The following DNAH6 variants were observed in gnomAD, a reference collection of about 807,000 sequenced individuals.
DNAH6 encodes the protein axonemal beta dynein heavy chain 6.
Under a neutral mutation model 491.4 loss-of-function variants are expected in DNAH6, and 340 were observed. The observed-to-expected ratio is 0.69, with a 90% CI of 0.63 to 0.76. The LOEUF is 0.76. DNAH6 is among the 30% of genes least tolerant of loss of function. The pLI, the probability that DNAH6 is intolerant of heterozygous loss-of-function variation, is 0.00. For synonymous variants in DNAH6, 1,603 were observed against 1,686.1 expected, an observed-to-expected ratio of 0.95 and a Z score of 1.21; for missense variants, 4,443 against 4,972.2, an observed-to-expected ratio of 0.89 and a Z score of 3.20.
At chr2:84,647,345 G>A (rs1384604386) in intron 33 of DNAH6, among the ~76,000 whole-genome samples, 1 of 152,194 alleles carries the variant, frequency 6.6e-6, no homozygotes, top group African/African-American at 2.4e-5. Flanking sequence ...GAACACTGAT[G>A]AAGGTGGCTA....
Position 84,812,269 on chromosome 2 carries a change from T to A in DNAH6, c.11740-72T>A, listed in dbSNP as rs1266097876. ...CCTCCAGGCAAGGCAGCCCCTGCTG[T>A]CATTAATGTGTGTCACTGACACTGG... On this transcript the variant is annotated intron_variant, in intron 72 of 76. Transcript: ENST00000389394. The A allele has an allele frequency of 2.1e-6, 3 of 1,401,630 alleles. No individual in the cohort carries two copies. The African/African-American group carries it at 4.3e-5, about 20-fold the overall frequency. 86.8% of individuals were successfully genotyped at this position (1,401,630 alleles called of 1,614,324 possible).
At chr2:84,720,530 G>A (rs34123720) in intron 59 of DNAH6, among the ~76,000 whole-genome samples, 4,427 of 151,412 alleles carry the variant, frequency 0.029, 100 homozygotes, top group Non-Finnish European at 0.043. Flanking sequence ...CGCCCGCCTC[G>A]GCCTCCCAAA....
intron 64 of DNAH6, among the ~76,000 whole-genome samples, chr2:84,763,966 A>G (rs1360315814): frequency 6.6e-6 from 1 of 152,166 alleles, no homozygotes; most frequent in African/African-American, 2.4e-5. Context: ...GTTCCTGCTT[A>G]ATAGTCAGGC....
intron 43 of DNAH6, 98 bp downstream of exon 43, chr2:84,685,570 T>C: frequency 1.5e-6 from 1 of 670,722 alleles, no homozygotes; most frequent in Non-Finnish European, 2.2e-6. Context: ...TTTCATAATT[T>C]ATGAGTAAAA....
intron 37 of DNAH6, among the ~76,000 whole-genome samples, chr2:84,662,592 C>T (rs1409652464): frequency 1.3e-5 from 2 of 152,196 alleles, no homozygotes; most frequent in African/African-American, 4.8e-5. Context: ...AGTAGGTAAA[C>T]AAAGTGGCCA....
intron 32 of DNAH6, among the ~76,000 whole-genome samples, chr2:84,641,352 A>G (rs1389815236): frequency 6.6e-6 from 1 of 152,110 alleles, no homozygotes; most frequent in African/African-American, 2.4e-5. Flanking sequence ...CAGATATAGT[A>G]TGTCCCCTCT....
chr2:84,603,513 C>T (rs189589884), intron 18 of DNAH6, among the ~76,000 whole-genome samples: 97 of 152,224 alleles, frequency 6.4e-4, no homozygotes, highest in Admixed American at 3.5e-3. Context: ...TATTTTTACT[C>T]AGTATTTGAT....
At chr2:84,553,055 A>G (rs1400303443) in intron 10 of DNAH6, 21 bp downstream of exon 10, 1 of 1,399,034 alleles carries the variant, frequency 7.1e-7, no homozygotes, top group Non-Finnish European at 9.9e-7. Context: ...TTCATGTATT[A>G]TCCACATGCA....
chr2:84,602,966 A>C (rs2104271751), intron 18 of DNAH6, among the ~76,000 whole-genome samples: 1 of 150,724 alleles, frequency 6.6e-6, no homozygotes, highest in East Asian at 2.0e-4. Context: ...TCGATTTGTA[A>C]TTGTATTTTC....
intron 34 of DNAH6, among the ~76,000 whole-genome samples, 173 bp from the exon 35 acceptor site, chr2:84,654,487 C>T (rs945722323): frequency 6.6e-6 from 1 of 152,174 alleles, no homozygotes; most frequent in Non-Finnish European, 1.5e-5. Flanking sequence ...CGTCATTTAA[C>T]TTTCTTCCTC....
chr2:84,747,586 T>C (rs1317711854), intron 63 of DNAH6, among the ~76,000 whole-genome samples: 1 of 152,206 alleles, frequency 6.6e-6, no homozygotes, highest in Non-Finnish European at 1.5e-5. Flanking sequence ...TGAATGCTTA[T>C]GGCTTTCCCA....
intron 50 of DNAH6, 148 bp downstream of exon 50, chr2:84,703,710 TTTAGCAATGC>T: frequency 8.1e-6 from 6 of 743,224 alleles, no homozygotes; most frequent in Non-Finnish European, 1.2e-5. Flanking sequence ...TTTTTAGCAA[TTTAGCAATGC>T]TTTTAAGTTG....
chr2:84,563,212 G>C (rs960416290), intron 11 of DNAH6, among the ~76,000 whole-genome samples: 8 of 152,122 alleles, frequency 5.3e-5, no homozygotes, highest in African/African-American at 1.9e-4. Context: ...GTGTTTATTA[G>C]CAGTGTGAGA....
intron 49 of DNAH6, among the ~76,000 whole-genome samples, chr2:84,703,052 G>T (rs1470143954): frequency 1.3e-5 from 2 of 152,140 alleles, no homozygotes; most frequent in African/African-American, 4.8e-5. Flanking sequence ...AGCCTCCAGG[G>T]ATTCACATCT....
intron 64 of DNAH6, among the ~76,000 whole-genome samples, chr2:84,771,505 A>G (rs1675614739): frequency 6.6e-6 from 1 of 152,202 alleles, no homozygotes; most frequent in Non-Finnish European, 1.5e-5. Flanking sequence ...AAACTCAAAG[A>G]CAGCTATACC....
chr2:84,733,304 T>A (rs1699266055), intron 61 of DNAH6, 140 bp from the exon 62 acceptor site: 1 of 670,424 alleles, frequency 1.5e-6, no homozygotes, highest in Non-Finnish European at 2.5e-6. Context: ...ACCATTTCTA[T>A]TTCACCATAT....
chr2:84,488,783 G>T, the DNAH6 span, among the ~76,000 whole-genome samples: 1 of 152,134 alleles, frequency 6.6e-6, no homozygotes, highest in East Asian at 1.9e-4. Flanking sequence ...CACATTCCAG[G>T]ATGAGGACCT....
intron 40 of DNAH6, among the ~76,000 whole-genome samples, chr2:84,674,026 T>C (rs958839706): frequency 3.3e-5 from 5 of 152,194 alleles, no homozygotes; most frequent in African/African-American, 1.2e-4. Context: ...ATTTCTGTTC[T>C]GGAGAAAATT....
chr2:84,557,052 A>G (rs925864416), intron 10 of DNAH6, among the ~76,000 whole-genome samples: 1 of 152,190 alleles, frequency 6.6e-6, no homozygotes, highest in Non-Finnish European at 1.5e-5. Context: ...TATTTTTCCC[A>G]TAGATTAGCT....
Sources: gnomAD v4.1 joint callset for allele counts (sites outside exome capture counted in the v4.1 genomes callset) on GRCh38, gnomAD v4.1.1 for gene constraint, MANE v1.5 for transcripts, NCBI Gene and HGNC (gene_info 2026-07-23, HGNC 2026-07-21) for gene names.